The following AFF4 variants were observed in gnomAD, a reference collection of about 807,000 sequenced individuals.
AFF4 encodes the protein ALF transcription elongation factor 4.
AFF4 carries 13 observed loss-of-function variants against 124.8 expected under a neutral mutation model. The ratio of observed to expected loss-of-function variants is 0.10; its 90% CI spans 0.07 to 0.17. The LOEUF (loss-of-function observed/expected upper bound fraction) is 0.17, where lower values mean the gene tolerates loss of function less well. Among genes scored for constraint, AFF4 ranks in the 10% least tolerant of loss-of-function variants. The probability of loss-of-function intolerance (pLI) is 1.00; values close to 1 mark genes in which losing one functional copy is unlikely to be tolerated. For synonymous variants in AFF4, 477 were observed against 496.1 expected (o/e 0.96, Z 0.51); for missense variants, 1,092 against 1,403.8 (o/e 0.78, Z 3.55).
intron 3 of AFF4, among the ~76,000 whole-genome samples, chr5:132,933,406 AAAAAG>A (rs949104395): frequency 8.6e-5 from 13 of 151,954 alleles, no homozygotes; most frequent in African/African-American, 3.1e-4. Context: ...TCAAAAAAAA[AAAAAG>A]AGAGAGATAA....
chr5:132,894,724 G>C (rs1760343558), intron 11 of AFF4, among the ~76,000 whole-genome samples: 1 of 152,156 alleles, frequency 6.6e-6, no homozygotes, highest in Non-Finnish European at 1.5e-5. Context: ...TGCTTTGGGA[G>C]GCTGAGGTGG....
chr5:132,898,488 G>A, intron 9 of AFF4, 96 bp from the exon 10 acceptor site: 3 of 1,308,876 alleles, frequency 2.3e-6, no homozygotes, highest in Non-Finnish European at 3.1e-6. Context: ...TTTTCTTCTT[G>A]TCTTTTTTTT....
intron 4 of AFF4, among the ~76,000 whole-genome samples, chr5:132,929,326 A>C (rs569059422): frequency 6.6e-6 from 1 of 152,328 alleles, no homozygotes; most frequent in Admixed American, 6.5e-5. Flanking sequence ...TATTAACTAA[A>C]GGCCAAGTGC....
chr5:132,889,273 C>A, intron 13 of AFF4, 100 bp from the exon 14 acceptor site: 3 of 717,644 alleles, frequency 4.2e-6, no homozygotes, highest in Non-Finnish European at 6.9e-6. Context: ...AACAAAATTT[C>A]ATTGCCTTTC....
intron 1 of AFF4, among the ~76,000 whole-genome samples, chr5:132,959,127 A>AT (rs70974064): frequency 0.11 from 16,059 of 143,214 alleles, 1,108 homozygotes; most frequent in South Asian, 0.19. Context: ...CAGGTTACAG[A>AT]TTTTTTTTTT....
At chr5:132,920,377 G>A (rs1231783136) in intron 5 of AFF4, among the ~76,000 whole-genome samples, 1 of 132,502 alleles carries the variant, frequency 7.5e-6, no homozygotes, top group Non-Finnish European at 1.6e-5. Flanking sequence ...TTTTTTTTGA[G>A]ACAAGGTCTC....
intron 5 of AFF4, among the ~76,000 whole-genome samples, chr5:132,916,971 A>G (rs1760927525): frequency 6.6e-6 from 1 of 151,702 alleles, no homozygotes; most frequent in African/African-American, 2.4e-5. Flanking sequence ...CCCAGGCTGG[A>G]GTGCAATGGG....
intron 7 of AFF4, chr5:132,901,055 C>T (rs1760538602): frequency 1.0e-5 from 10 of 985,174 alleles, no homozygotes; most frequent in Non-Finnish European, 1.2e-5. Context: ...TAAGACTGGC[C>T]CAATTAAACA....
In AFF4 at chr5:132,875,640, G is replaced by C. The variant is rs1399877903; in HGVS notation, c.*5419C>G. ...CAAAATACATATAATATACTATACA[G>C]ATGTGGAAAAATCTAGTTAGTATAT... On this transcript the variant is annotated 3_prime_UTR_variant, in exon 21 of 21. Transcript: ENST00000265343. The C allele has an allele frequency of 5.1e-6, 1 of 197,862 alleles. No homozygotes were observed. The highest frequency in any genetic ancestry group is 1.0e-5 in the Non-Finnish European group (1 of 95,410). 12.3% of individuals were successfully genotyped at this position (197,862 alleles called of 1,614,324 possible).
At chr5:132,949,698 A>ACGCG (rs1435946647) in intron 1 of AFF4, among the ~76,000 whole-genome samples, 4 of 142,124 alleles carry the variant, frequency 2.8e-5, no homozygotes, top group Admixed American at 1.4e-4. Context: ...ACACACACAC[A>ACGCG]CACGCGCGCG....
intron 9 of AFF4, 77 bp downstream of exon 9, chr5:132,899,027 C>A: frequency 7.9e-7 from 1 of 1,262,484 alleles, no homozygotes; most frequent in Non-Finnish European, 1.1e-6. Context: ...ACTTATAAGG[C>A]CACTTATTAT....
At position 132,899,010 on chromosome 5, in the gene AFF4, A is replaced by G. The variant is rs66732439; in HGVS notation, c.1226+94T>C. The G allele has an allele frequency of 0.15, 168,912 of 1,109,798 alleles. 13,841 individuals are homozygous for G. Among genetic ancestry groups the G allele is most frequent in the South Asian group, 0.2 (13,776 of 70,246 alleles). 68.7% of individuals were successfully genotyped at this position (1,109,798 alleles called of 1,614,324 possible). On this transcript the variant is annotated intron_variant, in intron 9 of 20. Coordinates refer to ENST00000265343, the MANE Select transcript of AFF4 (RefSeq NM_014423.4). ...GAATTGTACAACCATTATCAAAATT[A>G]ATATTTACTTATAAGGCCACTTATT... is the stretch of plus-strand genomic sequence containing the variant.
intron 5 of AFF4, among the ~76,000 whole-genome samples, chr5:132,908,225 C>A (rs1252942441): frequency 6.6e-6 from 1 of 151,636 alleles, no homozygotes; most frequent in African/African-American, 2.4e-5. Flanking sequence ...TAAAATACTG[C>A]AATTTCAAAA....
Position 132,883,474 on chromosome 5 carries a change from G to A in AFF4, c.3230C>T (p.Ser1077Phe), listed in dbSNP as rs1760037891. The change falls in exon 20 of 21, where the codon TCT becomes TTT. Residue 1077 changes from serine to phenylalanine, a missense_variant. Transcript: ENST00000265343. ...AATGGTCACTGAAGAACCACTTGCAGAAGCACTACTGGCCCCAGATGAATA... is the reference window on the plus strand; with the variant it reads ...AATGGTCACTGAAGAACCACTTGCAAAAGCACTACTGGCCCCAGATGAATA... ...GNYSSGASSA[S>F]ASGSSVTIPQ... The A allele has an allele frequency of 6.2e-7, 1 of 1,613,956 alleles. No individual in the cohort carries two copies. Among genetic ancestry groups the A allele is most frequent in the African/African-American group, 1.3e-5 (1 of 74,934 alleles).
intron 1 of AFF4, among the ~76,000 whole-genome samples, chr5:132,942,460 C>CTTTTT (rs35994411): frequency 7.5e-6 from 1 of 134,102 alleles, no homozygotes; most frequent in Non-Finnish European, 1.6e-5. Flanking sequence ...TCCTTTTGAC[C>CTTTTT]TTTTTTTTTT....
At chr5:132,883,589 A>G (rs1196402198) in intron 19 of AFF4, 29 bp from the exon 20 acceptor site, 5 of 1,596,756 alleles carry the variant, frequency 3.1e-6, no homozygotes, top group Non-Finnish European at 4.3e-6. Context: ...AAGCTTGTTC[A>G]TATGGACATG....
At chr5:132,885,700 G>C (rs545473820) in intron 18 of AFF4, among the ~76,000 whole-genome samples, 1 of 152,066 alleles carries the variant, frequency 6.6e-6, no homozygotes, top group Non-Finnish European at 1.5e-5. Context: ...ATGTGGTACT[G>C]GCCTGAAGAA....
chr5:132,892,129 T>G, intron 13 of AFF4, 35 bp downstream of exon 13: 1 of 1,614,062 alleles, frequency 6.2e-7, no homozygotes, highest in South Asian at 1.1e-5. Context: ...GCAAGTTGAA[T>G]GATTTTCAAA....
Position 132,934,436 on chromosome 5 carries a change from G to A in AFF4, c.629C>T (p.Ser210Phe), listed in dbSNP as rs777821542. 4 of 1,614,154 alleles carry A rather than the reference G, an allele frequency of 2.5e-6. No individual in the cohort carries two copies. The highest frequency in any genetic ancestry group is 3.3e-5 in the Admixed American group (2 of 60,018). Residue 210 changes from serine to phenylalanine, a missense_variant, in exon 3 of 21, where the codon TCC becomes TTC. Ser to Phe is a radical substitution (Grantham distance 155). This residue lies in a region of AFF4 where 188 missense variants were observed against 203.0 expected (regional missense o/e 0.93). Coordinates refer to ENST00000265343, the MANE Select transcript of AFF4 (RefSeq NM_014423.4). ...TGCATCAGGGTCCCGAGGTGATTTG[G>A]AGCGTTGATGTTCCTTGCTATGGTG... ...NDHHSKEHQR[S>F]KSPRDPDANW...
Sources: gnomAD v4.1 joint callset for allele counts (sites outside exome capture counted in the v4.1 genomes callset) on GRCh38, gnomAD v4.1.1 for gene constraint, gnomAD v4.1.1 regional missense constraint, MANE v1.5 for transcripts, NCBI Gene and HGNC (gene_info 2026-07-23, HGNC 2026-07-21) for gene names.